The following ABLIM1 variants were observed in gnomAD, a reference collection of about 807,000 sequenced individuals.
The protein encoded by ABLIM1 is actin-binding LIM protein 1.
A neutral mutation model predicts 107.0 loss-of-function variants in ABLIM1; 40 were observed. That is an observed-to-expected ratio of 0.37 (90% confidence interval 0.29 to 0.49). ABLIM1 has a LOEUF of 0.49. Ranked by LOEUF, ABLIM1 falls within the 20% of genes least tolerant of loss-of-function variation. The pLI is 0.97. For missense variants in ABLIM1, 857 were observed against 1,008.5 expected, an observed-to-expected ratio of 0.85 and a Z score of 2.04; for synonymous variants, 357 against 357.3, an observed-to-expected ratio of 1.00 and a Z score of 0.01.
intron 1 of ABLIM1, among the ~76,000 whole-genome samples, chr10:114,633,459 G>A (rs527697802): frequency 7.2e-5 from 11 of 152,262 alleles, no homozygotes; most frequent in African/African-American, 2.6e-4. Flanking sequence ...TAGCTTGGGT[G>A]TCTCAGGCTG....
chr10:114,550,988 G>C (rs1307906380), intron 4 of ABLIM1, among the ~76,000 whole-genome samples: 1 of 152,226 alleles, frequency 6.6e-6, no homozygotes, highest in East Asian at 1.9e-4. Context: ...TGACAGAGCT[G>C]TTTGCAGTCT....
chr10:114,631,138 CT>C (rs1424251892), intron 1 of ABLIM1, among the ~76,000 whole-genome samples: 1 of 152,240 alleles, frequency 6.6e-6, no homozygotes, highest in Non-Finnish European at 1.5e-5. Context: ...TTATATATTA[CT>C]TGAATCACTC....
chr10:114,712,040 G>A (rs1420613202), intron 1 of ABLIM1, among the ~76,000 whole-genome samples: 1 of 152,010 alleles, frequency 6.6e-6, no homozygotes, highest in African/African-American at 2.4e-5. Context: ...AGGGTGACAG[G>A]GAAAAGATTT....
chr10:114,608,534 T>G (rs2076581851), intron 1 of ABLIM1, among the ~76,000 whole-genome samples: 1 of 152,014 alleles, frequency 6.6e-6, no homozygotes, highest in African/African-American at 2.4e-5. Flanking sequence ...CTGGGCGTGG[T>G]GGCGTATGCC....
the ABLIM1 span, among the ~76,000 whole-genome samples, chr10:114,787,303 CG>C: frequency 6.6e-6 from 1 of 151,748 alleles, no homozygotes; most frequent in African/African-American, 2.4e-5. Flanking sequence ...GCCCAGCAGC[CG>C]CCCCGTCTGA....
At chr10:114,594,990 G>A (rs921710311) in intron 2 of ABLIM1, 1 of 152,052 alleles carries the variant, frequency 6.6e-6, no homozygotes, top group African/African-American at 2.4e-5. Flanking sequence ...GATAAGGCAG[G>A]GACATGTGAT....
chr10:114,482,615 C>G lies in ABLIM1; in HGVS notation c.1041+5343G>C, dbSNP rs1267360596. 2.6e-5 allele frequency among the ~76,000 whole-genome samples: 4 copies of G among 152,348 alleles called. No homozygotes were observed. The East Asian group carries it at 7.7e-4, about 29-fold the overall frequency. Reference sequence around the variant, plus strand: ...ACGGGTGAAGGGAGACCTTGCCACACAGCCCATTTTCTCTGCCAGGTCCCC... The same window carrying G: ...ACGGGTGAAGGGAGACCTTGCCACAGAGCCCATTTTCTCTGCCAGGTCCCC... On this transcript the variant is annotated intron_variant, in intron 8 of 22. Coordinates refer to ENST00000533213, the MANE Select transcript of ABLIM1 (RefSeq NM_002313.7).
intron 6 of ABLIM1, among the ~76,000 whole-genome samples, chr10:114,527,768 G>A (rs1033229263): frequency 6.6e-6 from 1 of 150,836 alleles, no homozygotes; most frequent in African/African-American, 2.4e-5. Context: ...GGGTCCAAGC[G>A]ATTGTCCCAC....
At chr10:114,800,531 A>G in the ABLIM1 span, among the ~76,000 whole-genome samples, 6 of 152,330 alleles carry the variant, frequency 3.9e-5, no homozygotes, top group Middle Eastern at 3.4e-3. Context: ...ATTTTTGGCA[A>G]CACCACTCTT....
At chr10:114,712,235 C>A (rs1372735663) in intron 1 of ABLIM1, among the ~76,000 whole-genome samples, 1 of 151,274 alleles carries the variant, frequency 6.6e-6, no homozygotes, top group Non-Finnish European at 1.5e-5. Flanking sequence ...CACCTGTAAT[C>A]CTAGCTACTC....
chr10:114,533,011 C>T (rs747895875), intron 6 of ABLIM1, among the ~76,000 whole-genome samples: 18 of 152,130 alleles, frequency 1.2e-4, no homozygotes, highest in Non-Finnish European at 2.2e-4. Flanking sequence ...CATGATTAAG[C>T]TAAAATTAGC....
chr10:114,482,335 A>G lies in ABLIM1; in HGVS notation c.1041+5623T>C, dbSNP rs1283119203. ...CTCATTCTCAATATAGATAACAAAA[A>G]TGACTTTCCTGCTATAGATTTTACT... On this transcript the variant is annotated intron_variant, in intron 8 of 22. Transcript: ENST00000533213. Among the ~76,000 whole-genome samples, 5 of 152,208 alleles carry G rather than the reference A, an allele frequency of 3.3e-5. No individual in the cohort carries two copies. In the East Asian group the frequency reaches 9.6e-4, roughly 29 times the overall value.
At chr10:114,765,873 C>CA (rs1480937282) in intron 1 of ABLIM1, among the ~76,000 whole-genome samples, 1 of 152,058 alleles carries the variant, frequency 6.6e-6, no homozygotes, top group Non-Finnish European at 1.5e-5. Context: ...TTGTCATTAC[C>CA]AAATGCCTAC....
chr10:114,791,958 AACTT>A, the ABLIM1 span, among the ~76,000 whole-genome samples: 3 of 152,230 alleles, frequency 2.0e-5, no homozygotes, highest in South Asian at 6.2e-4. Context: ...TACAACTCTT[AACTT>A]ACTTAATCCT....
intron 1 of ABLIM1, among the ~76,000 whole-genome samples, chr10:114,621,554 C>G (rs1255119886): frequency 6.6e-6 from 1 of 152,194 alleles, no homozygotes; most frequent in Non-Finnish European, 1.5e-5. Context: ...AAGAAACCTA[C>G]AGAACTCCTC....
At chr10:114,604,658 T>C (rs918782269) in intron 1 of ABLIM1, among the ~76,000 whole-genome samples, 1 of 152,228 alleles carries the variant, frequency 6.6e-6, no homozygotes, top group Non-Finnish European at 1.5e-5. Flanking sequence ...TCAGACAATA[T>C]GAATACGCCA....
At chr10:114,706,903 C>T (rs75168791) in intron 1 of ABLIM1, among the ~76,000 whole-genome samples, 6,072 of 151,282 alleles carry the variant, frequency 0.04, 182 homozygotes, top group African/African-American at 0.063. Context: ...AACATGAAAA[C>T]AACCTCTCCC....
intron 1 of ABLIM1, among the ~76,000 whole-genome samples, chr10:114,625,380 T>C (rs1476868681): frequency 6.6e-6 from 1 of 152,134 alleles, no homozygotes; most frequent in Non-Finnish European, 1.5e-5. Flanking sequence ...GTGGTGTCTG[T>C]GTGGGTGTGT....
At chr10:114,474,080 A>C in intron 8 of ABLIM1, 124 bp from the exon 9 acceptor site, 1 of 656,458 alleles carries the variant, frequency 1.5e-6, no homozygotes, top group Admixed American at 2.8e-5. Context: ...CACCTTTTTG[A>C]ATAAGGTAAA....
Sources: allele counts gnomAD v4.1 joint callset (sites outside exome capture counted in the v4.1 genomes callset), GRCh38; gene constraint gnomAD v4.1.1; transcripts MANE v1.5; gene names NCBI Gene and HGNC (gene_info 2026-07-23, HGNC 2026-07-21).